The following RBM27 variants were observed in gnomAD, a reference collection of about 807,000 sequenced individuals.
The protein encoded by RBM27 is RNA binding motif protein 27.
RBM27 carries 22 observed loss-of-function variants against 135.3 expected under a neutral mutation model. The observed-to-expected ratio is 0.16, with a 90% CI of 0.12 to 0.23. The LOEUF (loss-of-function observed/expected upper bound fraction) is 0.23. Ranked by LOEUF, RBM27 falls within the 10% of genes least tolerant of loss-of-function variation. The probability of loss-of-function intolerance (pLI) is 1.00; values close to 1 mark genes in which losing one functional copy is unlikely to be tolerated. For synonymous variants in RBM27, 481 were observed against 442.4 expected (o/e 1.09, Z -1.10); for missense variants, 1,009 against 1,281.0 (o/e 0.79, Z 3.24).
At chr5:146,269,060 A>C in intron 15 of RBM27, 147 bp from the exon 16 acceptor site, 1 of 514,770 alleles carries the variant, frequency 1.9e-6, no homozygotes, top group South Asian at 3.2e-5. Flanking sequence ...TGAAAGTGTT[A>C]GGGAAAATAT....
chr5:146,210,792 A>G (rs1234244360), intron 1 of RBM27, among the ~76,000 whole-genome samples: 1 of 151,824 alleles, frequency 6.6e-6, no homozygotes, highest in Non-Finnish European at 1.5e-5. Context: ...CTAAAAATAT[A>G]AAAAATTAGC....
chr5:146,271,129 G>A (rs927844170), intron 18 of RBM27, 71 bp downstream of exon 18: 16 of 1,120,042 alleles, frequency 1.4e-5, no homozygotes, highest in Non-Finnish European at 1.9e-5. Context: ...GACCGGGCGC[G>A]GTGGCTCACG....
chr5:146,260,424 A>G (rs2304033), intron 11 of RBM27, among the ~76,000 whole-genome samples: 31,879 of 152,156 alleles, frequency 0.21, 4,248 homozygotes, highest in Admixed American at 0.33. Context: ...TGGTCTTACT[A>G]TGTTCCCCAG....
chr5:146,216,645 A>G (rs1756205266), intron 1 of RBM27, among the ~76,000 whole-genome samples: 1 of 152,086 alleles, frequency 6.6e-6, no homozygotes, highest in Non-Finnish European at 1.5e-5. Flanking sequence ...ACTTAAGAAA[A>G]ATCTTTACTT....
intron 1 of RBM27, among the ~76,000 whole-genome samples, chr5:146,213,243 C>T (rs538138032): frequency 6.6e-6 from 1 of 152,266 alleles, no homozygotes; most frequent in South Asian, 2.1e-4. Context: ...GCTGGGATAA[C>T]AGGCATGCAC....
chr5:146,242,172 A>G (rs1757434815), intron 8 of RBM27, among the ~76,000 whole-genome samples: 1 of 152,152 alleles, frequency 6.6e-6, no homozygotes, highest in Admixed American at 6.5e-5. Context: ...TGGGTGCTCA[A>G]GCAGTTGTGC....
At chr5:146,281,761 C>T (rs538418514) in intron 19 of RBM27, among the ~76,000 whole-genome samples, 1 of 152,128 alleles carries the variant, frequency 6.6e-6, no homozygotes, top group African/African-American at 2.4e-5. Flanking sequence ...AAAACTACTG[C>T]AAGTAATGAG....
intron 13 of RBM27, among the ~76,000 whole-genome samples, chr5:146,262,717 T>C (rs1758450855): frequency 6.6e-6 from 1 of 152,212 alleles, no homozygotes; most frequent in Admixed American, 6.5e-5. Flanking sequence ...CCCCTAGATG[T>C]TGGGTGAATA....
At chr5:146,236,149 A>G (rs1267471646) in intron 7 of RBM27, among the ~76,000 whole-genome samples, 2 of 152,246 alleles carry the variant, frequency 1.3e-5, no homozygotes, top group African/African-American at 4.8e-5. Flanking sequence ...AGTTAAATTC[A>G]AGAATACCAT....
chr5:146,269,179 T>A (rs1455525089), intron 15 of RBM27, 28 bp from the exon 16 acceptor site: 1 of 1,505,324 alleles, frequency 6.6e-7, no homozygotes, highest in Admixed American at 1.8e-5. Flanking sequence ...TTACATTATC[T>A]GTATTAATTT....
intron 1 of RBM27, among the ~76,000 whole-genome samples, chr5:146,215,810 G>T (rs1459647587): frequency 6.6e-6 from 1 of 151,884 alleles, no homozygotes; most frequent in Admixed American, 6.6e-5. Context: ...GAGTGCAGTG[G>T]TGTGATCTTG....
intron 1 of RBM27, among the ~76,000 whole-genome samples, chr5:146,204,523 T>A (rs1755541194): frequency 7.9e-6 from 1 of 126,554 alleles, no homozygotes; most frequent in African/African-American, 3.2e-5. Context: ...AACTGATGAC[T>A]TTTAGATACA....
At chr5:146,270,589 T>G (rs955903035) in intron 17 of RBM27, among the ~76,000 whole-genome samples, 19 of 152,300 alleles carry the variant, frequency 1.2e-4, no homozygotes, top group Middle Eastern at 3.4e-3. Context: ...TGGTAGTAAT[T>G]ATGTAGCTGT....
At chr5:146,207,271 G>A (rs1042754617) in intron 1 of RBM27, among the ~76,000 whole-genome samples, 2 of 151,962 alleles carry the variant, frequency 1.3e-5, no homozygotes, top group African/African-American at 2.4e-5. Context: ...TGCCCAGGCT[G>A]GAGTGCAGTG....
intron 10 of RBM27, among the ~76,000 whole-genome samples, chr5:146,256,902 TA>T (rs571950827): frequency 3.7e-4 from 56 of 151,870 alleles, no homozygotes; most frequent in Admixed American, 2.0e-3. Context: ...AAAAATTAAT[TA>T]AAAAAAAGCA....
chr5:146,283,822 A>G (rs1759468031), intron 19 of RBM27, among the ~76,000 whole-genome samples: 1 of 152,184 alleles, frequency 6.6e-6, no homozygotes, highest in Non-Finnish European at 1.5e-5. Flanking sequence ...TGCTAGATAG[A>G]CTAGAATGAA....
chr5:146,251,376 A>G (rs1237839741), intron 8 of RBM27, among the ~76,000 whole-genome samples: 2 of 152,310 alleles, frequency 1.3e-5, no homozygotes, highest in East Asian at 3.9e-4. Context: ...TGTGTAATTA[A>G]TAGCTCAGGG....
intron 14 of RBM27, among the ~76,000 whole-genome samples, chr5:146,264,654 T>TAAAAAAAAAAAAAAAAAAAAAAAGAA (rs35210934): frequency 1.0e-5 from 1 of 97,900 alleles, no homozygotes; most frequent in East Asian, 3.3e-4. Flanking sequence ...CAAAGAGAGC[T>TAAAAAAAAAAAAAAAAAAAAAAAGAA]AAAAAAAAAA....
At chr5:146,249,099 A>G (rs1321889160) in intron 8 of RBM27, among the ~76,000 whole-genome samples, 2 of 151,994 alleles carry the variant, frequency 1.3e-5, no homozygotes, top group East Asian at 1.9e-4. Flanking sequence ...CTCCTGCCCT[A>G]GCCTTCCAAA....
Sources: allele counts gnomAD v4.1 joint callset (sites outside exome capture counted in the v4.1 genomes callset), GRCh38; gene constraint gnomAD v4.1.1; transcripts MANE v1.5; gene names NCBI Gene and HGNC (gene_info 2026-07-23, HGNC 2026-07-21).